Variants in KLF12 observed in about 807,000 individuals in gnomAD.
The protein encoded by KLF12 is Krueppel-like factor 12.
KLF12 carries 9 observed loss-of-function variants against 37.8 expected under a neutral mutation model. That is an observed-to-expected ratio of 0.24 (90% CI 0.14 to 0.42). The LOEUF is 0.42. Ranked by LOEUF, KLF12 falls within the 10% of genes least tolerant of loss-of-function variation. KLF12 has a pLI of 1.00. For synonymous variants in KLF12, 208 were observed against 202.1 expected, an observed-to-expected ratio of 1.03 and a Z score of -0.25; for missense variants, 411 against 516.0, an observed-to-expected ratio of 0.80 and a Z score of 1.97.
the KLF12 span, among the ~76,000 whole-genome samples, chr13:74,288,211 AC>A: frequency 6.6e-6 from 1 of 152,212 alleles, no homozygotes; most frequent in Non-Finnish European, 1.5e-5. Flanking sequence ...AAACAGACAA[AC>A]TAAAGAGGTA....
chr13:74,230,014 G>C, the KLF12 span, among the ~76,000 whole-genome samples: 1 of 152,174 alleles, frequency 6.6e-6, no homozygotes, highest in Non-Finnish European at 1.5e-5. Flanking sequence ...TCTCTGAGCT[G>C]TACTTTTCTC....
the KLF12 span, among the ~76,000 whole-genome samples, chr13:74,212,034 T>C: frequency 6.6e-6 from 1 of 152,174 alleles, no homozygotes; most frequent in South Asian, 2.1e-4. Context: ...TTTTTATTTT[T>C]CAAAGTGGAG....
At chr13:73,826,644 C>T (rs1883858520) in intron 4 of KLF12, among the ~76,000 whole-genome samples, 1 of 152,082 alleles carries the variant, frequency 6.6e-6, no homozygotes, top group Non-Finnish European at 1.5e-5. Flanking sequence ...TTTCCTTCTT[C>T]CACAGTATTC....
At chr13:74,044,354 T>C (rs1225612895) in intron 1 of KLF12, among the ~76,000 whole-genome samples, 1 of 152,074 alleles carries the variant, frequency 6.6e-6, no homozygotes, top group Admixed American at 6.5e-5. Flanking sequence ...TCTAATACCA[T>C]TTGTCAATAA....
At position 74,001,393 on chromosome 13, in the gene KLF12, A is replaced by G. The variant is rs893120175; in HGVS notation, c.-31-6340T>C. On this transcript the variant is annotated intron_variant, in intron 1 of 7. Transcript: ENST00000377669. ...ATCAAACACATATTTGGTACCAATT[A>G]CAAATGCATAGTTCACACAGCCTAA... Among the ~76,000 whole-genome samples, 3 of 152,352 alleles carry G rather than the reference A, an allele frequency of 2.0e-5. No individual in the cohort carries two copies. The East Asian group carries it at 5.8e-4, about 29-fold the overall frequency.
chr13:74,133,676 CAA>C (rs60415171), intron 1 of KLF12, among the ~76,000 whole-genome samples: 434 of 132,292 alleles, frequency 3.3e-3, no homozygotes, highest in South Asian at 5.1e-3. Flanking sequence ...TTTGGGATGG[CAA>C]AAAAAAAAAA....
rs551927052 is a variant in KLF12, at chr13:73,850,259, G to A, written c.124-3886C>T. Among the ~76,000 whole-genome samples the A allele has an allele frequency of 1.3e-4, 20 of 152,214 alleles. No individual in the cohort carries two copies. In the East Asian group the frequency reaches 3.9e-3, roughly 29 times the overall value. ...ATAAAATATTACATATAACATTCCA[G>A]TGAACATGTTTTTTTTGAGTGATCT... On this transcript the variant is annotated intron_variant, in intron 3 of 7. Transcript: ENST00000377669.
chr13:74,196,745 A>C, the KLF12 span, among the ~76,000 whole-genome samples: 1 of 152,088 alleles, frequency 6.6e-6, no homozygotes, highest in Non-Finnish European at 1.5e-5. Context: ...CCTTTTAAAA[A>C]ATTCTCTTCA....
At chr13:74,120,529 A>G (rs1293235017) in intron 1 of KLF12, among the ~76,000 whole-genome samples, 1 of 152,014 alleles carries the variant, frequency 6.6e-6, no homozygotes, top group African/African-American at 2.4e-5. Context: ...GAATTTATTT[A>G]GGTAAAATTA....
At chr13:73,925,509 C>T (rs1889332202) in intron 3 of KLF12, among the ~76,000 whole-genome samples, 1 of 152,162 alleles carries the variant, frequency 6.6e-6, no homozygotes, top group Non-Finnish European at 1.5e-5. Flanking sequence ...CAAAATATTA[C>T]TTTGACAATG....
the KLF12 span, among the ~76,000 whole-genome samples, chr13:74,279,286 G>C: frequency 2.6e-4 from 39 of 152,142 alleles, no homozygotes; most frequent in African/African-American, 8.2e-4. Flanking sequence ...AATGCATTTG[G>C]CTCTGATCTT....
chr13:73,921,123 C>T (rs1390654204), intron 3 of KLF12, among the ~76,000 whole-genome samples: 1 of 152,162 alleles, frequency 6.6e-6, no homozygotes, highest in East Asian at 1.9e-4. Context: ...AAATCATTCA[C>T]TCTTCCTCTA....
the KLF12 span, among the ~76,000 whole-genome samples, chr13:74,230,729 T>C: frequency 1.3e-5 from 2 of 152,158 alleles, no homozygotes; most frequent in Non-Finnish European, 2.9e-5. Flanking sequence ...ATTCTGTGCA[T>C]GCACGACTAT....
At chr13:74,129,415 T>C (rs1250798881) in intron 1 of KLF12, among the ~76,000 whole-genome samples, 5 of 152,174 alleles carry the variant, frequency 3.3e-5, no homozygotes, top group Non-Finnish European at 7.3e-5. Flanking sequence ...GCATGGCAAA[T>C]GTCACACTTG....
the KLF12 span, among the ~76,000 whole-genome samples, chr13:74,292,925 A>G: frequency 6.6e-6 from 1 of 152,202 alleles, no homozygotes; most frequent in Non-Finnish European, 1.5e-5. Flanking sequence ...GAGCCTAGAA[A>G]AGTGCTTGGA....
chr13:74,055,065 C>T (rs1464627410), intron 1 of KLF12, among the ~76,000 whole-genome samples: 1 of 152,160 alleles, frequency 6.6e-6, no homozygotes, highest in Non-Finnish European at 1.5e-5. Flanking sequence ...AAATATCTTG[C>T]TCAAGAGCAC....
chr13:73,809,234 C>T (rs1390694910), intron 5 of KLF12, among the ~76,000 whole-genome samples: 2 of 152,120 alleles, frequency 1.3e-5, no homozygotes, highest in African/African-American at 4.8e-5. Flanking sequence ...CATTTTTTTA[C>T]ATGCTAATCT....
intron 5 of KLF12, among the ~76,000 whole-genome samples, chr13:73,798,439 G>C (rs1882113189): frequency 6.6e-6 from 1 of 152,068 alleles, no homozygotes; most frequent in Non-Finnish European, 1.5e-5. Flanking sequence ...TTAAACCTAA[G>C]AGCTTCTGCA....
chr13:73,877,489 G>A (rs933010117), intron 3 of KLF12, among the ~76,000 whole-genome samples: 3 of 152,074 alleles, frequency 2.0e-5, no homozygotes, highest in African/African-American at 7.2e-5. Context: ...ATATTTTGAA[G>A]GTATTTCACA....
Sources: gnomAD v4.1 joint callset for allele counts (sites outside exome capture counted in the v4.1 genomes callset) on GRCh38, gnomAD v4.1.1 for gene constraint, MANE v1.5 for transcripts, NCBI Gene and HGNC (gene_info 2026-07-23, HGNC 2026-07-21) for gene names.